Variants in PHTF1 observed in about 807,000 individuals in gnomAD.
PHTF1 encodes the protein putative homeodomain transcription factor 1.
Under a neutral mutation model 102.4 loss-of-function variants are expected in PHTF1, and 88 were observed. That is an observed-to-expected ratio of 0.86 (90% CI 0.72 to 1.03). PHTF1 has a LOEUF of 1.03. PHTF1 is among the 50% of genes least tolerant of loss of function. The pLI is 0.00. For missense variants in PHTF1, 814 were observed against 909.5 expected, an observed-to-expected ratio of 0.89 and a Z score of 1.35; for synonymous variants, 289 against 305.2, an observed-to-expected ratio of 0.95 and a Z score of 0.55.
intron 3 of PHTF1, among the ~76,000 whole-genome samples, chr1:113,743,555 T>C (rs1437091169): frequency 1.3e-5 from 2 of 152,166 alleles, no homozygotes; most frequent in Non-Finnish European, 2.9e-5. Flanking sequence ...ATATAGTCAT[T>C]TATTATCATT....
At chr1:113,724,716 T>C (rs1653547073) in intron 7 of PHTF1, 43 bp downstream of exon 7, 5 of 1,518,488 alleles carry the variant, frequency 3.3e-6, no homozygotes, top group Non-Finnish European at 4.5e-6. Context: ...ATACATTCTG[T>C]AAACACTACG....
At chr1:113,744,874 G>A (rs532162748) in intron 3 of PHTF1, among the ~76,000 whole-genome samples, 37 of 152,056 alleles carry the variant, frequency 2.4e-4, no homozygotes, top group Non-Finnish European at 5.4e-4. Context: ...CCTTGAATCA[G>A]GGAGGTGGAA....
At chr1:113,746,430 G>A (rs1285872932) in intron 3 of PHTF1, among the ~76,000 whole-genome samples, 1 of 152,170 alleles carries the variant, frequency 6.6e-6, no homozygotes, top group Non-Finnish European at 1.5e-5. Flanking sequence ...GGAAGTCTGT[G>A]GGGCCAGGAA....
intron 7 of PHTF1, among the ~76,000 whole-genome samples, chr1:113,722,758 C>CAA (rs759616769): frequency 1.6e-5 from 2 of 123,126 alleles, no homozygotes; most frequent in African/African-American, 3.0e-5. Context: ...ACTAAAAATA[C>CAA]AAAAAAAAAA....
intron 5 of PHTF1, among the ~76,000 whole-genome samples, chr1:113,730,888 T>TA (rs1333501030): frequency 4.6e-5 from 7 of 152,346 alleles, no homozygotes; most frequent in Middle Eastern, 3.4e-3. Flanking sequence ...TTGACGATGT[T>TA]ATGCTAAGTG....
intron 17 of PHTF1, among the ~76,000 whole-genome samples, chr1:113,698,618 T>C (rs202053829): frequency 0.031 from 3,616 of 115,728 alleles, 121 homozygotes; most frequent in African/African-American, 0.08. Flanking sequence ...TATATATATA[T>C]ATACACACAC....
chr1:113,723,236 G>A (rs1000197231), intron 7 of PHTF1, among the ~76,000 whole-genome samples: 1 of 150,178 alleles, frequency 6.7e-6, no homozygotes, highest in Non-Finnish European at 1.5e-5. Context: ...GGAGTAAAGT[G>A]GTGAGATCCT....
At position 113,738,798 on chromosome 1, in the gene PHTF1, C is replaced by T. The variant is rs1471115225; in HGVS notation, c.104G>A (p.Gly35Asp). Reference protein sequence around the residue: ...EKSIEQTQIKGLKNKPKKMGH... With the variant: ...EKSIEQTQIKDLKNKPKKMGH... ...CATCTTTTTCGGTTTGTTTTTCAAA[C>T]CCTAGGATAAAACAAAACAAAAATA... The change falls in exon 4 of 19, where the codon GGT becomes GAT. Residue 35 changes from glycine (G) to aspartate (D), a missense_variant and splice_region_variant. Gly to Asp is a moderately conservative substitution (Grantham distance 94, BLOSUM62 -1). Coordinates refer to ENST00000369604, the MANE Select transcript of PHTF1 (RefSeq NM_001323043.2). 18 of 1,580,550 alleles carry T rather than the reference C, an allele frequency of 1.1e-5. No individual in the cohort carries two copies. Among genetic ancestry groups the T allele is most frequent in the Non-Finnish European group, 1.5e-5 (17 of 1,159,300 alleles).
chr1:113,700,639 G>A (rs1649334738), intron 16 of PHTF1, among the ~76,000 whole-genome samples, 155 bp downstream of exon 16: 1 of 152,160 alleles, frequency 6.6e-6, no homozygotes, highest in African/African-American at 2.4e-5. Flanking sequence ...TTTTATTAGG[G>A]ATAAGCAACT....
chr1:113,751,659 T>C (rs1658098340), intron 3 of PHTF1, among the ~76,000 whole-genome samples: 1 of 152,252 alleles, frequency 6.6e-6, no homozygotes, highest in Non-Finnish European at 1.5e-5. Context: ...AGTGCTGCTA[T>C]GAACATTTGC....
intron 7 of PHTF1, among the ~76,000 whole-genome samples, chr1:113,721,136 A>T (rs1443600477): frequency 6.6e-6 from 1 of 152,148 alleles, no homozygotes; most frequent in Non-Finnish European, 1.5e-5. Flanking sequence ...AAAATAAATA[A>T]ATAAAAAGAT....
At chr1:113,705,800 G>T in intron 13 of PHTF1, 90 bp downstream of exon 13, 1 of 959,056 alleles carries the variant, frequency 1.0e-6, no homozygotes, top group Non-Finnish European at 1.6e-6. Flanking sequence ...ACATCAACTT[G>T]AAGAGAGACC....
chr1:113,705,434 C>T (rs959534424), intron 13 of PHTF1, among the ~76,000 whole-genome samples: 3 of 151,988 alleles, frequency 2.0e-5, no homozygotes, highest in East Asian at 1.9e-4. Flanking sequence ...GAACAACACC[C>T]GGTCTCAAAA....
At chr1:113,733,811 G>C (rs577897137) in intron 5 of PHTF1, among the ~76,000 whole-genome samples, 1 of 152,338 alleles carries the variant, frequency 6.6e-6, no homozygotes, top group East Asian at 1.9e-4. Context: ...TTGGTACTGA[G>C]AATGGGGGGT....
At position 113,698,342 on chromosome 1, in the gene PHTF1, A is replaced by C. The variant is rs866468505; in HGVS notation, c.2188T>G (p.Leu730Val). The C allele has an allele frequency of 6.2e-7, 1 of 1,608,824 alleles. No individual in the cohort carries two copies. Among genetic ancestry groups the C allele is most frequent in the Non-Finnish European group, 8.5e-7 (1 of 1,175,266 alleles). ...FRLYGLTMNPLIYNITRVVIL... is the reference protein window; with the variant it reads ...FRLYGLTMNPVIYNITRVVIL... Reference sequence around the variant, plus strand: ...ACTACTCTTGTGATATTGTAGATTAAGGGATTCATTGTCAGTCCATAGAGT... The same window carrying C: ...ACTACTCTTGTGATATTGTAGATTACGGGATTCATTGTCAGTCCATAGAGT... Residue 730 changes from leucine to valine, a missense_variant, in exon 18 of 19, where the codon TTA (leucine) becomes GTA (valine). Transcript: ENST00000369604.
chr1:113,757,632 G>T (rs1288113545), intron 3 of PHTF1, 67 bp downstream of exon 3: 5 of 990,760 alleles, frequency 5.0e-6, no homozygotes, highest in Non-Finnish European at 8.2e-6. Context: ...AGTTTACCAG[G>T]TAAGTACAAT....
At chr1:113,722,857 T>C (rs1037885803) in intron 7 of PHTF1, among the ~76,000 whole-genome samples, 3 of 150,524 alleles carry the variant, frequency 2.0e-5, no homozygotes, top group Admixed American at 1.3e-4. Context: ...GAGGCAGAGG[T>C]TGCAGTGAGC....
At chr1:113,712,697 G>A (rs1175608216) in intron 8 of PHTF1, among the ~76,000 whole-genome samples, 3 of 152,012 alleles carry the variant, frequency 2.0e-5, no homozygotes, top group African/African-American at 7.3e-5. Context: ...TACTATCACT[G>A]CTTCTCTGGA....
At position 113,756,925 on chromosome 1, in the gene PHTF1, T is replaced by C. The variant is rs1025600109; in HGVS notation, c.102+774A>G. The stretch of plus-strand genomic sequence containing the variant: ...GCTCACGCCTGTAATCCCAGCACTT[T>C]GGGAGTCGGAGGTGAGCAGATCACA... On this transcript the variant is annotated intron_variant, in intron 3 of 18. Transcript: ENST00000369604. 6.6e-5 allele frequency among the ~76,000 whole-genome samples: 10 copies of C among 152,158 alleles called. No homozygotes were observed. In the East Asian group the frequency reaches 1.9e-3, roughly 29 times the overall value.
Sources: gnomAD v4.1 joint callset for allele counts (sites outside exome capture counted in the v4.1 genomes callset) on GRCh38, gnomAD v4.1.1 for gene constraint, MANE v1.5 for transcripts, NCBI Gene and HGNC (gene_info 2026-07-23, HGNC 2026-07-21) for gene names.